The following MYH9 variants were observed in gnomAD, a reference collection of about 807,000 sequenced individuals.
The protein encoded by MYH9 is myosin heavy chain 9.
A neutral mutation model predicts 241.9 loss-of-function variants in MYH9; 29 were observed. The observed-to-expected ratio is 0.12, with a 90% CI of 0.09 to 0.16. The LOEUF (loss-of-function observed/expected upper bound fraction) is 0.16, where lower values mean the gene tolerates loss of function less well. Ranked by LOEUF, MYH9 falls within the 10% of genes least tolerant of loss-of-function variation. MYH9 has a pLI of 1.00. For synonymous variants in MYH9, 1,047 were observed against 1,062.6 expected, an observed-to-expected ratio of 0.99 and a Z score of 0.29; for missense variants, 1,803 against 2,595.5, an observed-to-expected ratio of 0.69 and a Z score of 6.63.
chr22:36,336,858 G>A (rs1310576142), intron 3 of MYH9, among the ~76,000 whole-genome samples: 4 of 152,236 alleles, frequency 2.6e-5, no homozygotes, highest in Non-Finnish European at 5.9e-5. Flanking sequence ...CTATAAACAT[G>A]CCTCGTCTCT....
At chr22:36,291,728 G>A (rs1365371650) in intron 31 of MYH9, among the ~76,000 whole-genome samples, 1 of 131,664 alleles carries the variant, frequency 7.6e-6, no homozygotes, top group Non-Finnish European at 1.7e-5. Context: ...CAGTTCATTA[G>A]AGAAAATCTG....
intron 13 of MYH9, among the ~76,000 whole-genome samples, chr22:36,312,536 G>A (rs909045298): frequency 1.3e-5 from 2 of 152,182 alleles, no homozygotes; most frequent in Admixed American, 1.3e-4. Flanking sequence ...CAGTGCACTG[G>A]GGTCTGCCCA....
chr22:36,316,463 G>A, intron 12 of MYH9, 54 bp downstream of exon 12: 1 of 1,613,542 alleles, frequency 6.2e-7, no homozygotes, highest in Non-Finnish European at 8.5e-7. Flanking sequence ...CCAAGGATAA[G>A]GCAACCAACA....
intron 1 of MYH9, among the ~76,000 whole-genome samples, chr22:36,377,054 C>A (rs1387755088): frequency 8.3e-6 from 1 of 120,024 alleles, no homozygotes. Context: ...CAAAGCGAGA[C>A]CCTACCTCAA....
intron 1 of MYH9, among the ~76,000 whole-genome samples, chr22:36,376,897 T>C (rs887080874): frequency 6.6e-6 from 1 of 152,102 alleles, no homozygotes; most frequent in Non-Finnish European, 1.5e-5. Context: ...ACCCTGTCTC[T>C]ACTAAAAATA....
At chr22:36,323,299 C>T (rs767987814) in intron 5 of MYH9, among the ~76,000 whole-genome samples, 8 of 152,362 alleles carry the variant, frequency 5.3e-5, no homozygotes, top group East Asian at 1.9e-4. Flanking sequence ...GCTATCAATC[C>T]GCAGAGCGGG....
At chr22:36,322,198 TC>T (rs2017265035) in intron 6 of MYH9, among the ~76,000 whole-genome samples, 1 of 152,182 alleles carries the variant, frequency 6.6e-6, no homozygotes, top group Non-Finnish European at 1.5e-5. Flanking sequence ...CCTTTCCACC[TC>T]TCATGAGGGA....
At chr22:36,349,345 T>C (rs1475899547) in intron 1 of MYH9, 90 bp from the exon 2 acceptor site, 6 of 947,034 alleles carry the variant, frequency 6.3e-6, no homozygotes, top group Non-Finnish European at 8.3e-6. Flanking sequence ...CTTTGCAAAC[T>C]GTATAGGATT....
chr22:36,325,658 G>GACC (rs1323571833), intron 5 of MYH9, among the ~76,000 whole-genome samples: 3 of 152,254 alleles, frequency 2.0e-5, no homozygotes, highest in Admixed American at 2.0e-4. Flanking sequence ...ACAGAGCGTG[G>GACC]AGGGCTCCGT....
At chr22:36,339,659 G>A (rs1350996944) in intron 3 of MYH9, among the ~76,000 whole-genome samples, 1 of 152,148 alleles carries the variant, frequency 6.6e-6, no homozygotes, top group African/African-American at 2.4e-5. Flanking sequence ...GGACAAAGTG[G>A]TTAACCCAAC....
chr22:36,319,216 T>C (rs2017208648), intron 10 of MYH9, among the ~76,000 whole-genome samples: 1 of 152,154 alleles, frequency 6.6e-6, no homozygotes, highest in Non-Finnish European at 1.5e-5. Context: ...TTTCAAGATC[T>C]CGACATAGTC....
chr22:36,349,358 G>A, intron 1 of MYH9, 103 bp from the exon 2 acceptor site: 1 of 872,126 alleles, frequency 1.1e-6, no homozygotes, highest in Non-Finnish European at 1.8e-6. Context: ...ATAGGATTAA[G>A]ACACAGTAAA....
intron 14 of MYH9, among the ~76,000 whole-genome samples, chr22:36,310,842 C>T (rs759394474): frequency 2.6e-5 from 4 of 152,216 alleles, no homozygotes; most frequent in Non-Finnish European, 4.4e-5. Flanking sequence ...CACTGATGAG[C>T]GTGTGCGTTT....
chr22:36,361,748 G>A (rs796587193), intron 1 of MYH9, among the ~76,000 whole-genome samples: 2 of 152,272 alleles, frequency 1.3e-5, no homozygotes, highest in African/African-American at 4.8e-5. Context: ...AATTGGGGAG[G>A]AGCAGAGGTG....
rs1895543868 is a variant in MYH9, at chr22:36,300,942, A to G, written c.2747T>C (p.Ile916Thr). The G allele has an allele frequency of 1.2e-6, 2 of 1,610,290 alleles. No homozygotes were observed. Among genetic ancestry groups the G allele is most frequent in the Non-Finnish European group, 1.7e-6 (2 of 1,179,958 alleles). The change falls in exon 22 of 41, where the codon ATC (isoleucine) becomes ACC (threonine). Residue 916 changes from isoleucine to threonine, a missense_variant. Coordinates refer to ENST00000216181, the MANE Select transcript of MYH9 (RefSeq NM_002473.6). This position sits in a 1 kb window ranked among gnomAD's most constrained non-coding sequence, Gnocchi z 5.0. ...CACCCTGGCCTCTAGGTCATGGCAGATCTCTTCTAATTCCTGCTTCTTGGC... is the reference window on the plus strand; with the variant it reads ...CACCCTGGCCTCTAGGTCATGGCAGGTCTCTTCTAATTCCTGCTTCTTGGC... ...LTAKKQELEEICHDLEARVEE... is the reference protein window; with the variant it reads ...LTAKKQELEETCHDLEARVEE...
At chr22:36,384,870 C>G (rs1051672900) in intron 1 of MYH9, among the ~76,000 whole-genome samples, 2 of 151,666 alleles carry the variant, frequency 1.3e-5, no homozygotes, top group African/African-American at 4.8e-5. Flanking sequence ...CCCACTCTTC[C>G]CAGCTCTAAG....
rs2016742987 is a variant in MYH9, at chr22:36,293,744, T to C, written c.3942+15A>G. 6.2e-7 allele frequency: 1 copy of C among 1,611,732 alleles called. No individual in the cohort carries two copies. The highest frequency in any genetic ancestry group is 1.7e-5 in the Admixed American group (1 of 59,968). ...TGGAGGGGTCCACCTTCTGGGAACC[T>C]GGCGCCACCCCTACCTGAGTGTCCT... On this transcript the variant is annotated intron_variant, in intron 29 of 40. Transcript: ENST00000216181. The surrounding 1 kb of genome is among the most constrained non-coding windows in gnomAD (Gnocchi z 5.1).
chr22:36,373,653 T>C (rs1289069697), intron 1 of MYH9, among the ~76,000 whole-genome samples: 1 of 152,170 alleles, frequency 6.6e-6, no homozygotes, highest in East Asian at 1.9e-4. Context: ...GCGAGCCCCC[T>C]CCAGGACAGG....
chr22:36,367,908 GA>G (rs2018034863), intron 1 of MYH9, among the ~76,000 whole-genome samples: 1 of 152,166 alleles, frequency 6.6e-6, no homozygotes, highest in South Asian at 2.1e-4. Flanking sequence ...CACACACACA[GA>G]TATGCATGCA....
Sources: gnomAD v4.1 joint callset for allele counts (sites outside exome capture counted in the v4.1 genomes callset) on GRCh38, gnomAD v4.1.1 for gene constraint, Gnocchi (gnomAD v3.1) non-coding constraint, MANE v1.5 for transcripts, NCBI Gene and HGNC (gene_info 2026-07-23, HGNC 2026-07-21) for gene names.